The following TMEM156 variants were observed in gnomAD, a reference collection of about 807,000 sequenced individuals.
The protein encoded by TMEM156 is transmembrane protein 156.
Under a neutral mutation model 30.5 loss-of-function variants are expected in TMEM156, and 28 were observed. That is an observed-to-expected ratio of 0.92 (90% confidence interval 0.68 to 1.26). The LOEUF is 1.26. Among genes scored for constraint, TMEM156 ranks in the 50% most tolerant of loss-of-function variants. The probability of loss-of-function intolerance (pLI) is 0.00; values close to 1 mark genes in which losing one functional copy is unlikely to be tolerated. For synonymous variants in TMEM156, 137 were observed against 119.9 expected, an observed-to-expected ratio of 1.14 and a Z score of -0.93; for missense variants, 351 against 340.6, an observed-to-expected ratio of 1.03 and a Z score of -0.24.
intron 1 of TMEM156, among the ~76,000 whole-genome samples, chr4:39,019,497 C>T (rs56339408): frequency 0.041 from 6,279 of 151,638 alleles, 220 homozygotes; most frequent in Non-Finnish European, 0.058. Flanking sequence ...TGGATCTCCC[C>T]ACATATTTGT....
intron 1 of TMEM156, among the ~76,000 whole-genome samples, chr4:39,028,163 C>T (rs953286188): frequency 1.3e-5 from 2 of 152,232 alleles, no homozygotes; most frequent in African/African-American, 2.4e-5. Flanking sequence ...TCTGGGATTA[C>T]AGGCGTGAGC....
At chr4:38,985,336 T>C (rs1343770493) in intron 5 of TMEM156, among the ~76,000 whole-genome samples, 1 of 152,238 alleles carries the variant, frequency 6.6e-6, no homozygotes, top group Non-Finnish European at 1.5e-5. Flanking sequence ...CAGTCATAGC[T>C]TAATACTTTC....
At chr4:39,018,073 C>A (rs190398949) in intron 1 of TMEM156, among the ~76,000 whole-genome samples, 170 of 152,134 alleles carry the variant, frequency 1.1e-3, no homozygotes, top group African/African-American at 3.6e-3. Context: ...TCTTGCCTTT[C>A]TGGCTGTTAA....
intron 4 of TMEM156, among the ~76,000 whole-genome samples, chr4:38,986,752 G>A (rs1316578960): frequency 7.6e-6 from 1 of 131,278 alleles, no homozygotes; most frequent in Non-Finnish European, 1.6e-5. Context: ...AGGTTGCAGT[G>A]AGCCGAGATC....
chr4:38,969,841 C>A (rs1722514275), intron 6 of TMEM156, among the ~76,000 whole-genome samples: 1 of 152,186 alleles, frequency 6.6e-6, no homozygotes, highest in Non-Finnish European at 1.5e-5. Context: ...AACCTGCCCA[C>A]CTCAGCCTCC....
At chr4:39,028,427 G>T (rs1010961142) in intron 1 of TMEM156, 2 of 152,320 alleles carry the variant, frequency 1.3e-5, no homozygotes, top group East Asian at 3.9e-4. Context: ...TACAAGGAAC[G>T]TCCTCCCAAA....
At position 38,990,835 on chromosome 4, in the gene TMEM156, T is replaced by TTTGTTTTGTTTTGTTTTG. The variant is rs1553878610; in HGVS notation, c.620-1866_620-1865insCAAAACAAAACAAAACAA. On this transcript the variant is annotated intron_variant, in intron 3 of 6. Coordinates refer to ENST00000381938, the MANE Select transcript of TMEM156 (RefSeq NM_024943.3). ...TTTTTTTGGTTTGTTTTCTGGTTTT[T>TTTGTTTTGTTTTGTTTTG]TTTTTTTTTTTTTTTTTTGAGAGGG... is the stretch of plus-strand genomic sequence containing the variant. Among the ~76,000 whole-genome samples the TTTGTTTTGTTTTGTTTTG allele has an allele frequency of 1.3e-3, 167 of 126,262 alleles. 2 individuals carry two copies. Among genetic ancestry groups the TTTGTTTTGTTTTGTTTTG allele is most frequent in the African/African-American group, 1.5e-3 (52 of 34,000 alleles). The allele number at this position is 126,262 out of a possible 152,430, so 82.8% of individuals were successfully genotyped here.
At chr4:38,977,828 G>C (rs1722943366) in intron 5 of TMEM156, among the ~76,000 whole-genome samples, 1 of 152,154 alleles carries the variant, frequency 6.6e-6, no homozygotes. Flanking sequence ...AGTAGAAACT[G>C]ATTAAAAATA....
At chr4:38,984,347 C>CTG (rs1211976306) in intron 5 of TMEM156, among the ~76,000 whole-genome samples, 66 of 130,648 alleles carry the variant, frequency 5.1e-4, no homozygotes, top group African/African-American at 1.5e-3. Context: ...CTCTCTCTCT[C>CTG]TCTGTGTGTG....
intron 1 of TMEM156, among the ~76,000 whole-genome samples, chr4:39,006,936 C>T (rs757544901): frequency 6.6e-6 from 1 of 151,952 alleles, no homozygotes. Context: ...GAGCAAGAAC[C>T]TGTCTAAAAC....
chr4:38,999,025 T>C, intron 1 of TMEM156, 116 bp from the exon 2 acceptor site: 1 of 690,224 alleles, frequency 1.4e-6, no homozygotes, highest in Non-Finnish European at 2.2e-6. Flanking sequence ...CATTTCAGCT[T>C]ATCAGAGACA....
At chr4:39,001,099 T>C (rs1713313414) in intron 1 of TMEM156, among the ~76,000 whole-genome samples, 1 of 151,504 alleles carries the variant, frequency 6.6e-6, no homozygotes, top group Non-Finnish European at 1.5e-5. Flanking sequence ...GATAGTCTTT[T>C]GTTAGCATAA....
intron 5 of TMEM156, among the ~76,000 whole-genome samples, chr4:38,983,767 G>T (rs1286009935): frequency 6.6e-6 from 1 of 152,110 alleles, no homozygotes; most frequent in Non-Finnish European, 1.5e-5. Context: ...ATGATTCTTT[G>T]ATATCCATAG....
chr4:39,030,366 C>A (rs1007680993), intron 1 of TMEM156, among the ~76,000 whole-genome samples: 6 of 152,052 alleles, frequency 3.9e-5, no homozygotes, highest in African/African-American at 1.2e-4. Context: ...TGACTATTGA[C>A]AAGATGAAGA....
chr4:39,020,333 G>A (rs1369779186), intron 1 of TMEM156, among the ~76,000 whole-genome samples: 1 of 152,140 alleles, frequency 6.6e-6, no homozygotes, highest in Non-Finnish European at 1.5e-5. Context: ...GGAGTTCAGA[G>A]ATCCTTTGAC....
intron 5 of TMEM156, among the ~76,000 whole-genome samples, chr4:38,982,742 A>T (rs1711677658): frequency 6.6e-6 from 1 of 152,198 alleles, no homozygotes; most frequent in South Asian, 2.1e-4. Flanking sequence ...GAGAACCCTG[A>T]CTAATCCAAT....
At chr4:38,973,723 A>G (rs1722715145) in intron 5 of TMEM156, among the ~76,000 whole-genome samples, 1 of 152,288 alleles carries the variant, frequency 6.6e-6, no homozygotes, top group South Asian at 2.1e-4. Flanking sequence ...TACTTCCAAT[A>G]CAATGGTAGA....
At chr4:39,000,664 A>G (rs1713276455) in intron 1 of TMEM156, among the ~76,000 whole-genome samples, 1 of 152,162 alleles carries the variant, frequency 6.6e-6, no homozygotes, top group Non-Finnish European at 1.5e-5. Flanking sequence ...AGGCAGTTGG[A>G]TCACTTGAGG....
intron 1 of TMEM156, among the ~76,000 whole-genome samples, chr4:39,031,354 C>G (rs1715490238): frequency 6.6e-6 from 1 of 152,170 alleles, no homozygotes; most frequent in African/African-American, 2.4e-5. Context: ...CTGAAACGTT[C>G]ACAAAGTTAA....
Sources: allele counts gnomAD v4.1 joint callset (sites outside exome capture counted in the v4.1 genomes callset), GRCh38; gene constraint gnomAD v4.1.1; transcripts MANE v1.5; gene names NCBI Gene and HGNC (gene_info 2026-07-23, HGNC 2026-07-21).